Variants in KIAA1217 observed in about 807,000 individuals in gnomAD.
KIAA1217 encodes the protein sickle tail protein homolog.
A neutral mutation model predicts 163.9 loss-of-function variants in KIAA1217; 88 were observed. The ratio of observed to expected loss-of-function variants is 0.54; its 90% CI spans 0.45 to 0.64. The LOEUF is 0.64. Among genes scored for constraint, KIAA1217 ranks in the 30% least tolerant of loss-of-function variants. KIAA1217 has a pLI of 0.00. For synonymous variants in KIAA1217, 903 were observed against 923.1 expected, an observed-to-expected ratio of 0.98 and a Z score of 0.39; for missense variants, 2,372 against 2,475.0, an observed-to-expected ratio of 0.96 and a Z score of 0.88.
intron 2 of KIAA1217, among the ~76,000 whole-genome samples, chr10:24,189,945 A>G (rs1372354732): frequency 6.6e-6 from 1 of 151,816 alleles, no homozygotes; most frequent in Non-Finnish European, 1.5e-5. Context: ...TGATTGAGCC[A>G]AGGAGTTCAA....
chr10:24,341,299 GT>G (rs2047067092), intron 2 of KIAA1217, among the ~76,000 whole-genome samples: 1 of 151,848 alleles, frequency 6.6e-6, no homozygotes, highest in South Asian at 2.1e-4. Context: ...AGGCAAAGTC[GT>G]GATTAAATCC....
intron 1 of KIAA1217, among the ~76,000 whole-genome samples, chr10:23,996,026 G>A (rs1218918345): frequency 6.6e-6 from 1 of 152,146 alleles, no homozygotes; most frequent in African/African-American, 2.4e-5. Flanking sequence ...AATATGCTTT[G>A]CAAATTCAAA....
In KIAA1217 at chr10:23,774,823, C is replaced by T. The variant is rs549766100; in HGVS notation, c.-321+79589C>T. 9.9e-5 allele frequency among the ~76,000 whole-genome samples: 15 copies of T among 152,272 alleles called. No individual in the cohort carries two copies. The South Asian group carries it at 3.1e-3, about 32-fold the overall frequency. ...TAAAGTCATCCCTGATCTCTAAGTT[C>T]TTTAAGAAGTTATATTTGTTAAGAT... On this transcript the variant is annotated intron_variant, in intron 1 of 18. Transcript: ENST00000376462.
intron 1 of KIAA1217, among the ~76,000 whole-genome samples, chr10:23,819,867 T>C (rs1220114923): frequency 6.6e-6 from 1 of 152,156 alleles, no homozygotes; most frequent in Non-Finnish European, 1.5e-5. Context: ...TTTAGCGCTA[T>C]GCTCTTGAAT....
intron 1 of KIAA1217, among the ~76,000 whole-genome samples, chr10:23,941,443 T>A (rs556372856): frequency 6.6e-6 from 1 of 152,324 alleles, no homozygotes; most frequent in South Asian, 2.1e-4. Context: ...TGACCCTGGA[T>A]AATGGGACCA....
At chr10:24,490,416 T>C (rs1040206369) in intron 6 of KIAA1217, among the ~76,000 whole-genome samples, 8 of 152,196 alleles carry the variant, frequency 5.3e-5, no homozygotes, top group Non-Finnish European at 4.4e-5. Flanking sequence ...CTTTCTTCCC[T>C]TTCAACTTTA....
rs375293346 is a variant in KIAA1217 at position 23,695,005 on chromosome 10, C to T, written c.-550C>T. 2.8e-3 allele frequency: 432 copies of T among 152,322 alleles called. 1 individual carries two copies. The highest frequency in any genetic ancestry group is 9.9e-3 in the African/African-American group (413 of 41,586). The allele number at this position is 152,322 out of a possible 1,614,324, so 9.4% of individuals were successfully genotyped here. ...CGCGCAGCGCCCTGCGCAGCATCCC[C>T]GGGCTGCCAGAAGAGGCCACCACTC... On this transcript the variant is annotated 5_prime_UTR_variant, in exon 1 of 19. Transcript: ENST00000376462. This position sits in a 1 kb window ranked among gnomAD's most constrained non-coding sequence, Gnocchi z 4.9.
chr10:24,511,172 A>AAAAG (rs1554918365), intron 9 of KIAA1217, among the ~76,000 whole-genome samples: 8,709 of 114,682 alleles, frequency 0.076, 868 homozygotes, highest in Non-Finnish European at 0.1. Context: ...AAAAAAAAAA[A>AAAAG]AGGAGCCTGG....
intron 1 of KIAA1217, among the ~76,000 whole-genome samples, chr10:23,845,249 C>A (rs181752494): frequency 6.6e-6 from 1 of 152,232 alleles, no homozygotes; most frequent in Admixed American, 6.5e-5. Context: ...TGGGTATATG[C>A]CCAGTAATGA....
chr10:23,896,401 C>G (rs1841703752), intron 1 of KIAA1217, among the ~76,000 whole-genome samples: 1 of 151,986 alleles, frequency 6.6e-6, no homozygotes, highest in Admixed American at 6.6e-5. Context: ...GTAATCTTTT[C>G]CTTCTTCCAC....
At chr10:24,037,641 T>G (rs1848452146) in intron 2 of KIAA1217, among the ~76,000 whole-genome samples, 2 of 152,216 alleles carry the variant, frequency 1.3e-5, no homozygotes, top group Admixed American at 1.3e-4. Flanking sequence ...GGAGACAGAT[T>G]GTCTATTCCA....
chr10:24,491,501 G>T (rs111943155), intron 6 of KIAA1217, among the ~76,000 whole-genome samples: 1,967 of 152,052 alleles, frequency 0.013, 39 homozygotes, highest in African/African-American at 0.045. Flanking sequence ...TGTTGGCCAG[G>T]CTGGTCTCGA....
intron 2 of KIAA1217, among the ~76,000 whole-genome samples, chr10:24,084,480 T>A (rs948521021): frequency 2.0e-5 from 3 of 152,144 alleles, no homozygotes; most frequent in African/African-American, 7.2e-5. Context: ...AAGTAAGCAA[T>A]GGGTTTATAG....
chr10:24,364,874 C>T (rs745366467), intron 2 of KIAA1217, among the ~76,000 whole-genome samples: 50 of 151,942 alleles, frequency 3.3e-4, no homozygotes, highest in Non-Finnish European at 5.9e-4. Context: ...ACTGTACTCA[C>T]TGCACCCTCG....
intron 17 of KIAA1217, 93 bp from the exon 18 acceptor site, chr10:24,542,600 T>C: frequency 4.4e-6 from 7 of 1,581,388 alleles, no homozygotes; most frequent in Admixed American, 1.7e-5. Flanking sequence ...CCGCATGTCT[T>C]AGAAATGTAA....
intron 2 of KIAA1217, among the ~76,000 whole-genome samples, chr10:24,065,507 A>G (rs1240607828): frequency 1.3e-5 from 2 of 152,068 alleles, no homozygotes; most frequent in South Asian, 2.1e-4. Context: ...GGTCTGAGAG[A>G]CAGTTTGTTA....
At chr10:24,251,418 A>G (rs1277127553) in intron 2 of KIAA1217, among the ~76,000 whole-genome samples, 1 of 129,316 alleles carries the variant, frequency 7.7e-6, no homozygotes, top group Admixed American at 7.9e-5. Context: ...AAAAAAAAAA[A>G]AAAACAAGAA....
rs552886850 is a variant in KIAA1217 at position 24,463,371 on chromosome 10, T to C, written c.847-9857T>C. ...ATAGAAATAACGCTCATCTTAAATA[T>C]AGCCATAAGCTAACCGCTGACTGGA... On this transcript the variant is annotated intron_variant, in intron 5 of 20. Transcript: ENST00000376454. 5.3e-5 allele frequency among the ~76,000 whole-genome samples: 8 copies of C among 152,342 alleles called. No individual in the cohort carries two copies. In the South Asian group the frequency reaches 1.4e-3, roughly 28 times the overall value.
At chr10:24,133,913 T>C (rs1313936784) in intron 2 of KIAA1217, among the ~76,000 whole-genome samples, 1 of 152,188 alleles carries the variant, frequency 6.6e-6, no homozygotes, top group Non-Finnish European at 1.5e-5. Flanking sequence ...GTAGTTTTCA[T>C]CAGAGGCAGG....
Sources: allele counts gnomAD v4.1 joint callset (sites outside exome capture counted in the v4.1 genomes callset), GRCh38; gene constraint gnomAD v4.1.1; non-coding constraint Gnocchi (gnomAD v3.1); transcripts MANE v1.5; gene names NCBI Gene and HGNC (gene_info 2026-07-23, HGNC 2026-07-21).